Variants in SHE observed in about 807,000 individuals in gnomAD.
SHE encodes SH2 domain-containing adapter protein E.
Under a neutral mutation model 49.8 loss-of-function variants are expected in SHE, and 11 were observed. The observed-to-expected ratio is 0.22, with a 90% confidence interval of 0.14 to 0.37. SHE has a LOEUF of 0.37. Among genes scored for constraint, SHE ranks in the 10% least tolerant of loss-of-function variants. SHE has a pLI of 1.00. For missense variants in SHE, 624 were observed against 655.5 expected, an observed-to-expected ratio of 0.95 and a Z score of 0.52; for synonymous variants, 310 against 278.1, an observed-to-expected ratio of 1.11 and a Z score of -1.14.
chr1:154,479,644 C>A lies in SHE; in HGVS notation c.*4505G>T. ...GATAGACACCTATATTACATACAAT[C>A]TTCAAACATTTTTAAAAGTTGAAAC... On this transcript the variant is annotated 3_prime_UTR_variant, in exon 6 of 6. Coordinates refer to ENST00000304760, the MANE Select transcript of SHE (RefSeq NM_001010846.3). 1.0e-6 allele frequency: 1 copy of A among 969,450 alleles called. No homozygotes were observed. Among genetic ancestry groups the A allele is most frequent in the African/African-American group, 1.8e-5 (1 of 57,074 alleles). 60.1% of individuals were successfully genotyped at this position (969,450 alleles called of 1,614,324 possible).
intron 1 of SHE, among the ~76,000 whole-genome samples, chr1:154,500,873 T>C (rs898535806): frequency 1.3e-5 from 2 of 152,178 alleles, no homozygotes; most frequent in Admixed American, 1.3e-4. Context: ...GCGCAACAAA[T>C]GCCCATGGAA....
chr1:154,476,308 C>T (rs1348765368), downstream of SHE, among the ~76,000 whole-genome samples: 2 of 152,058 alleles, frequency 1.3e-5, no homozygotes, highest in East Asian at 1.9e-4. Context: ...ATAACACCAT[C>T]GCACTCCTGC....
In SHE at chr1:154,499,243, A is replaced by G. The variant is rs753726802; in HGVS notation, c.592-5T>C. On this transcript the variant is annotated splice_region_variant and splice_polypyrimidine_tract_variant and intron_variant, in intron 1 of 5. Transcript: ENST00000304760. The stretch of plus-strand genomic sequence containing the variant: ...ATAGTCTTCTAAAATGATGACCTGA[A>G]AAAGAACAAGAGAGGACAGTTGCTA... 72 of 1,612,426 alleles carry G rather than the reference A, an allele frequency of 4.5e-5. No homozygotes were observed. The highest frequency in any genetic ancestry group is 5.7e-5 in the Non-Finnish European group (67 of 1,179,242).
At chr1:154,478,051 C>CT (rs1691925729), downstream of SHE, among the ~76,000 whole-genome samples, 1 of 152,030 alleles carries the variant, frequency 6.6e-6, no homozygotes, top group South Asian at 2.1e-4. Context: ...CAGTATTTGT[C>CT]TTTTTGTGAC....
chr1:154,479,944 C>A lies in SHE; in HGVS notation c.*4205G>T, dbSNP rs544257803. 3.0e-6 allele frequency: 3 copies of A among 985,392 alleles called. No homozygotes were observed. In the African/African-American group the frequency reaches 5.2e-5, roughly 17 times the overall value. The allele number at this position is 985,392 out of a possible 1,614,324, so 61.0% of individuals were successfully genotyped here. On this transcript the variant is annotated 3_prime_UTR_variant, in exon 6 of 6. Coordinates refer to ENST00000304760, the MANE Select transcript of SHE (RefSeq NM_001010846.3). ...CCTTTTCTGGACTGTATCAGAAATC[C>A]TTCAGAAAGCCCTACCCTTAAATGC...
At chr1:154,498,508 G>A (rs771519027) in intron 2 of SHE, among the ~76,000 whole-genome samples, 8 of 150,080 alleles carry the variant, frequency 5.3e-5, no homozygotes, top group Non-Finnish European at 1.0e-4. Context: ...AGTGATTCTC[G>A]TGCCTCAGCT....
At chr1:154,478,472 G>A (rs1691939620), downstream of SHE, among the ~76,000 whole-genome samples, 1 of 146,230 alleles carries the variant, frequency 6.8e-6, no homozygotes, top group Admixed American at 6.8e-5. Flanking sequence ...GACCTGGGCC[G>A]CAATCTGGGC....
chr1:154,493,230 G>T (rs913411807), intron 2 of SHE, among the ~76,000 whole-genome samples: 1 of 152,184 alleles, frequency 6.6e-6, no homozygotes, highest in Non-Finnish European at 1.5e-5. Flanking sequence ...TTAATTAGGG[G>T]AAGAAAGGGC....
chr1:154,484,652 C>T (rs1163322120), intron 5 of SHE: 1 of 245,578 alleles, frequency 4.1e-6, no homozygotes, highest in Non-Finnish European at 8.0e-6. Flanking sequence ...AAGCACGAGG[C>T]TACTAAGGTG....
intron 1 of SHE, among the ~76,000 whole-genome samples, chr1:154,499,614 G>A (rs1285188888): frequency 1.3e-5 from 2 of 152,196 alleles, no homozygotes; most frequent in African/African-American, 4.8e-5. Context: ...TTTATGAATT[G>A]AGTTTTTTAA....
downstream of SHE, among the ~76,000 whole-genome samples, chr1:154,475,976 C>T (rs575957938): frequency 6.6e-6 from 1 of 152,256 alleles, no homozygotes; most frequent in South Asian, 2.1e-4. Flanking sequence ...GTATTAGTTT[C>T]TAAAAAAGCT....
intron 3 of SHE, 107 bp downstream of exon 3, chr1:154,488,944 G>C (rs1692271137): frequency 7.3e-7 from 1 of 1,373,680 alleles, no homozygotes; most frequent in African/African-American, 1.4e-5. Flanking sequence ...ACATTGAGAA[G>C]AGAAAGGAAT....
chr1:154,485,668 CTCCAGATTAGGTAATGTAAGGTAGACA>C (rs1364706017), intron 5 of SHE: 37 of 328,346 alleles, frequency 1.1e-4, no homozygotes, highest in Admixed American at 3.9e-5. Context: ...AGAGGGCCTA[CTCCAGATTAGGTAATGTAAGGTAGACA>C]TTGACTAATG....
chr1:154,483,167 T>C lies in SHE; in HGVS notation c.*982A>G. The C allele has an allele frequency of 2.0e-6, 2 of 985,406 alleles. No individual in the cohort carries two copies. Among genetic ancestry groups the C allele is most frequent in the Non-Finnish European group, 1.2e-6 (1 of 829,906 alleles). 61.0% of individuals were successfully genotyped at this position (985,406 alleles called of 1,614,324 possible). A position where few individuals can be genotyped will look rare whatever the true frequency, so the allele number is the denominator to read the frequency against. On this transcript the variant is annotated 3_prime_UTR_variant, in exon 6 of 6. Transcript: ENST00000304760. ...TAATGATATTGGTGATTCTTAAACCTGGGGTATCTTCCTTCCTATTTATGC... is the reference window on the plus strand; with the variant it reads ...TAATGATATTGGTGATTCTTAAACCCGGGGTATCTTCCTTCCTATTTATGC...
chr1:154,502,088 C>A lies in SHE; in HGVS notation c.-62G>T. ...CCCGCGACGGCTGCTCCGTGCGCCC[C>A]CGGCCGGCCGTCGCCCACGCCCGGC... On this transcript the variant is annotated 5_prime_UTR_variant, in exon 1 of 6. Transcript: ENST00000304760. 1 of 1,201,596 alleles carries A rather than the reference C, an allele frequency of 8.3e-7. No homozygotes were observed. The highest frequency in any genetic ancestry group is 1.0e-6 in the Non-Finnish European group (1 of 963,182). 74.4% of individuals were successfully genotyped at this position (1,201,596 alleles called of 1,614,324 possible).
intron 1 of SHE, among the ~76,000 whole-genome samples, chr1:154,471,231 C>A (rs1178510998): frequency 6.6e-6 from 1 of 151,938 alleles, no homozygotes; most frequent in Non-Finnish European, 1.5e-5. Flanking sequence ...ACTTAAAAAA[C>A]AAAACAGGCC....
At chr1:154,470,351 A>G (rs1691712448) in exon 2 of SHE, 1 of 1,289,130 alleles carries the variant, frequency 7.8e-7, no homozygotes, top group Non-Finnish European at 1.0e-6. Context: ...TTAGGAGAGC[A>G]GATGGTGATT....
chr1:154,502,032 G>C lies in SHE; in HGVS notation c.-6C>G. On this transcript the variant is annotated 5_prime_UTR_variant, in exon 1 of 6. Transcript: ENST00000304760. ...GGGGTCGGGGACCACTGCATTCCCC[G>C]TGACTGGGGCGCTGGAGGCCGCGGC... 7.6e-7 allele frequency: 1 copy of C among 1,310,630 alleles called. No homozygotes were observed. Among genetic ancestry groups the C allele is most frequent in the African/African-American group, 1.5e-5 (1 of 64,810 alleles). 81.2% of individuals were successfully genotyped at this position (1,310,630 alleles called of 1,614,324 possible).
intron 1 of SHE, among the ~76,000 whole-genome samples, chr1:154,473,740 G>A (rs1691809691): frequency 6.6e-6 from 1 of 152,032 alleles, no homozygotes; most frequent in South Asian, 2.1e-4. Flanking sequence ...GGAGTGTGAG[G>A]CTGCAGTGGG....
Sources: allele counts gnomAD v4.1 joint callset (sites outside exome capture counted in the v4.1 genomes callset), GRCh38; gene constraint gnomAD v4.1.1; transcripts MANE v1.5; gene names NCBI Gene and HGNC (gene_info 2026-07-23, HGNC 2026-07-21).